The following CLASP1 variants were observed in gnomAD, a reference collection of about 807,000 sequenced individuals.
The protein encoded by CLASP1 is CLIP-associating protein 1.
In CLASP1, 38 loss-of-function variants were observed where a neutral mutation model predicts 192.3. The ratio of observed to expected loss-of-function variants is 0.20; its 90% confidence interval spans 0.15 to 0.26. CLASP1 has a LOEUF of 0.26. Ranked by LOEUF, CLASP1 falls within the 10% of genes least tolerant of loss-of-function variation. The probability of loss-of-function intolerance (pLI) is 1.00; values close to 1 mark genes in which losing one functional copy is unlikely to be tolerated. For missense variants in CLASP1, 1,433 were observed against 1,932.5 expected (o/e 0.74, Z 4.85); for synonymous variants, 691 against 712.8 (o/e 0.97, Z 0.49).
intron 37 of CLASP1, among the ~76,000 whole-genome samples, chr2:121,358,299 G>A (rs1374730977): frequency 6.6e-6 from 1 of 152,242 alleles, no homozygotes; most frequent in Non-Finnish European, 1.5e-5. Flanking sequence ...GTATTATCTT[G>A]AGGCTGGATG....
chr2:121,515,642 G>A (rs974080095), intron 7 of CLASP1, 23 bp downstream of exon 7: 2 of 1,598,698 alleles, frequency 1.3e-6, no homozygotes, highest in South Asian at 1.1e-5. Flanking sequence ...TAGAGCAGAA[G>A]AAAGGAAAAA....
Position 121,530,940 on chromosome 2 carries a change from C to T in CLASP1, c.196-615G>A, listed in dbSNP as rs769426972. ...TGAGCGCATAGTGAGGGCAGTACTG[C>T]TAACGCCTGAACAACACACCCGCAT... On this transcript the variant is annotated intron_variant, in intron 2 of 39. Coordinates refer to ENST00000263710, the Ensembl canonical transcript of CLASP1. 1.3e-4 allele frequency: 88 copies of T among 700,290 alleles called. No individual in the cohort carries two copies. The highest frequency in any genetic ancestry group is 3.5e-4 in the East Asian group (13 of 37,310). The allele number at this position is 700,290 out of a possible 1,614,324, so 43.4% of individuals were successfully genotyped here. A position where few individuals can be genotyped will look rare whatever the true frequency, so the allele number is the denominator to read the frequency against.
In CLASP1 at chr2:121,500,812, T is replaced by C. The variant is rs556227918; in HGVS notation, c.712+2355A>G. Among the ~76,000 whole-genome samples the C allele has an allele frequency of 6.6e-5, 10 of 152,334 alleles. No homozygotes were observed. In the South Asian group the frequency reaches 1.7e-3, roughly 25 times the overall value. On this transcript the variant is annotated intron_variant, in intron 8 of 39. Transcript: ENST00000263710. ...CATACAAAGCAAAAAGCTGAAATTA[T>C]CGGCCTCCAAGAAATTTTGTTAAGG...
intron 1 of CLASP1, among the ~76,000 whole-genome samples, chr2:121,627,239 G>A (rs960806106): frequency 1.3e-5 from 2 of 152,188 alleles, no homozygotes; most frequent in African/African-American, 4.8e-5. Context: ...AGAACTCCCT[G>A]TACATTTTTT....
At chr2:121,367,930 A>C (rs2067757418) in intron 34 of CLASP1, 99 bp from the exon 36 acceptor site, 1 of 1,478,822 alleles carries the variant, frequency 6.8e-7, no homozygotes, top group African/African-American at 1.4e-5. Flanking sequence ...TTTCACTTGA[A>C]ATATGTATGG....
At chr2:121,344,458 A>T (rs1170097311) in intron 39 of CLASP1, among the ~76,000 whole-genome samples, 1 of 151,790 alleles carries the variant, frequency 6.6e-6, no homozygotes, top group Non-Finnish European at 1.5e-5. Context: ...CGGCCTCCTG[A>T]GTAGCTGGGA....
intron 23 of CLASP1, 53 bp from the exon 25 acceptor site, chr2:121,411,022 A>G (rs1559083858): frequency 1.4e-5 from 17 of 1,197,240 alleles, no homozygotes; most frequent in South Asian, 1.2e-4. Context: ...AATTATTTCA[A>G]TTCCTTGCAA....
intron 19 of CLASP1, among the ~76,000 whole-genome samples, chr2:121,430,957 A>T (rs2149650230): frequency 6.6e-6 from 1 of 151,280 alleles, no homozygotes; most frequent in African/African-American, 2.4e-5. Context: ...CCAGACTAGT[A>T]TGATTAGCGA....
At chr2:121,361,427 C>G (rs2066384692) in intron 37 of CLASP1, among the ~76,000 whole-genome samples, 1 of 152,186 alleles carries the variant, frequency 6.6e-6, no homozygotes, top group Admixed American at 6.5e-5. Flanking sequence ...TAGCACATGC[C>G]ATTTGCCCCT....
At chr2:121,594,453 C>T (rs1229658438) in intron 2 of CLASP1, among the ~76,000 whole-genome samples, 2 of 150,842 alleles carry the variant, frequency 1.3e-5, no homozygotes, top group African/African-American at 2.4e-5. Flanking sequence ...AGTGCAGTGG[C>T]ATGATCTCAG....
intron 30 of CLASP1, among the ~76,000 whole-genome samples, chr2:121,392,799 T>C (rs1467501170): frequency 1.3e-5 from 2 of 152,108 alleles, no homozygotes; most frequent in South Asian, 2.1e-4. Context: ...ACAACTAAAC[T>C]AGTCAGGGCT....
intron 8 of CLASP1, among the ~76,000 whole-genome samples, chr2:121,497,872 A>AC (rs769921456): frequency 3.3e-5 from 5 of 152,114 alleles, no homozygotes; most frequent in Non-Finnish European, 7.4e-5. Flanking sequence ...GGCGCCCACC[A>AC]CCACGCCCGG....
chr2:121,569,703 T>C lies in CLASP1; in HGVS notation c.195+35998A>G, dbSNP rs117215926. ...TGGGATATAAAAAGTTAGCAGGGCGTGGTGGTGCGTGCCTGTAGTCCCAGC... is the reference window on the plus strand; with the variant it reads ...TGGGATATAAAAAGTTAGCAGGGCGCGGTGGTGCGTGCCTGTAGTCCCAGC... On this transcript the variant is annotated intron_variant, in intron 2 of 39. Transcript: ENST00000263710. Among the ~76,000 whole-genome samples the C allele has an allele frequency of 1.2e-4, 18 of 152,068 alleles. No individual in the cohort carries two copies. The East Asian group carries it at 3.1e-3, about 26-fold the overall frequency.
intron 23 of CLASP1, among the ~76,000 whole-genome samples, chr2:121,417,922 C>T (rs781006414): frequency 3.3e-5 from 5 of 152,282 alleles, no homozygotes; most frequent in African/African-American, 4.8e-5. Flanking sequence ...TTCAGGTCTA[C>T]GTCTAAGTAT....
intron 39 of CLASP1, among the ~76,000 whole-genome samples, chr2:121,341,227 G>A (rs997335708): frequency 2.8e-4 from 43 of 152,288 alleles, no homozygotes; most frequent in African/African-American, 9.1e-4. Flanking sequence ...TAGGTGGGCC[G>A]CAGCAGCTCA....
chr2:121,587,338 T>C (rs1026846159), intron 2 of CLASP1, among the ~76,000 whole-genome samples: 1 of 152,050 alleles, frequency 6.6e-6, no homozygotes, highest in African/African-American at 2.4e-5. Flanking sequence ...CCTTAGAACA[T>C]CCCCCTGCCT....
chr2:121,383,065 G>A (rs939238144), intron 32 of CLASP1, among the ~76,000 whole-genome samples: 4 of 152,182 alleles, frequency 2.6e-5, no homozygotes, highest in African/African-American at 7.2e-5. Flanking sequence ...ATGTCACTGG[G>A]TGCCTGGGCT....
At chr2:121,471,343 A>C (rs965339610) in intron 8 of CLASP1, among the ~76,000 whole-genome samples, 2 of 152,192 alleles carry the variant, frequency 1.3e-5, no homozygotes, top group African/African-American at 4.8e-5. Flanking sequence ...CACTTTAATG[A>C]TGCAAAATTA....
At chr2:121,345,909 T>A (rs1424388844) in intron 39 of CLASP1, among the ~76,000 whole-genome samples, 5 of 152,164 alleles carry the variant, frequency 3.3e-5, no homozygotes, top group Admixed American at 2.0e-4. Flanking sequence ...TGCTTAAACT[T>A]CCTACCACAC....
Sources: gnomAD v4.1 joint callset for allele counts (sites outside exome capture counted in the v4.1 genomes callset) on GRCh38, gnomAD v4.1.1 for gene constraint, MANE v1.5 for transcripts, NCBI Gene and HGNC (gene_info 2026-07-23, HGNC 2026-07-21) for gene names.